The following CFDP1 variants were observed in gnomAD, a reference collection of about 807,000 sequenced individuals.
CFDP1 encodes heterochromatin-stabilizing protein CFDP1.
Under a neutral mutation model 40.1 loss-of-function variants are expected in CFDP1, and 31 were observed. That is an observed-to-expected ratio of 0.77 (90% CI 0.58 to 1.04). The LOEUF (loss-of-function observed/expected upper bound fraction) is 1.04. CFDP1 is among the 50% of genes least tolerant of loss of function. The probability of loss-of-function intolerance (pLI) is 0.00; values close to 1 mark genes in which losing one functional copy is unlikely to be tolerated. For synonymous variants in CFDP1, 167 were observed against 120.0 expected, an observed-to-expected ratio of 1.39 and a Z score of -2.56; for missense variants, 423 against 343.4, an observed-to-expected ratio of 1.23 and a Z score of -1.83.
intron 5 of CFDP1, among the ~76,000 whole-genome samples, chr16:75,389,976 A>G (rs2078933701): frequency 6.6e-6 from 1 of 152,244 alleles, no homozygotes; most frequent in African/African-American, 2.4e-5. Context: ...GGTTCACAGT[A>G]TCATAATTAA....
intron 4 of CFDP1, among the ~76,000 whole-genome samples, chr16:75,403,570 T>C (rs1397842979): frequency 6.6e-6 from 1 of 152,156 alleles, no homozygotes; most frequent in African/African-American, 2.4e-5. Context: ...ACACTCTATG[T>C]GAGGGCCACT....
intron 5 of CFDP1, among the ~76,000 whole-genome samples, chr16:75,339,258 T>C (rs912565619): frequency 1.3e-5 from 2 of 152,206 alleles, no homozygotes; most frequent in Non-Finnish European, 2.9e-5. Context: ...TTTCTTCCTT[T>C]AGTTGTATCC....
At chr16:75,313,207 A>T (rs562993124) in intron 5 of CFDP1, among the ~76,000 whole-genome samples, 108 of 152,204 alleles carry the variant, frequency 7.1e-4, no homozygotes, top group Non-Finnish European at 1.3e-3. Context: ...GAAAGTGCAG[A>T]TCCTCTTCCA....
intron 4 of CFDP1, among the ~76,000 whole-genome samples, chr16:75,411,318 T>C (rs1174889999): frequency 6.6e-6 from 1 of 151,962 alleles, no homozygotes; most frequent in Non-Finnish European, 1.5e-5. Context: ...AGTAGGAGAA[T>C]TGCTTGAACT....
intron 5 of CFDP1, among the ~76,000 whole-genome samples, chr16:75,309,353 C>T (rs950387528): frequency 1.3e-5 from 2 of 151,662 alleles, no homozygotes; most frequent in Admixed American, 6.6e-5. Flanking sequence ...GGGCAGGGGG[C>T]GCTGACCCTA....
Position 75,411,871 on chromosome 16 carries a change from T to C in CFDP1, c.484A>G (p.Lys162Glu), listed in dbSNP as rs760696982. ...EELEKPKETE[K>E]VKITKVFDFA... ...TCAAACACCTTGGTGATTTTAACTT[T>C]TTCTGTTTCTTTAGGTTTCTCTAGC... is the stretch of plus-strand genomic sequence containing the variant. Residue 162 changes from lysine (K) to glutamate (E), a missense_variant, in exon 4 of 7, where the codon AAA (lysine) becomes GAA (glutamate). By Grantham distance (56) the Lys-to-Glu change is moderately conservative. Transcript: ENST00000283882. 4.3e-6 allele frequency: 7 copies of C among 1,612,706 alleles called. No individual in the cohort carries two copies. Among genetic ancestry groups the C allele is most frequent in the Admixed American group, 1.7e-5 (1 of 59,772 alleles).
chr16:75,415,882 T>C (rs2079199710), intron 1 of CFDP1, among the ~76,000 whole-genome samples: 1 of 152,198 alleles, frequency 6.6e-6, no homozygotes, highest in Non-Finnish European at 1.5e-5. Context: ...AGACGGAGTC[T>C]TGCTCTGTCA....
chr16:75,306,600 TAAAC>T (rs939470671), intron 5 of CFDP1: 15 of 152,254 alleles, frequency 9.9e-5, no homozygotes, highest in African/African-American at 2.9e-4. Flanking sequence ...GTTGGACAAA[TAAAC>T]AAAGTTCAGA....
At chr16:75,410,128 AT>A (rs2079146150) in intron 4 of CFDP1, among the ~76,000 whole-genome samples, 1 of 151,246 alleles carries the variant, frequency 6.6e-6, no homozygotes, top group Non-Finnish European at 1.5e-5. Flanking sequence ...TTTTCCCTAA[AT>A]ATAGCTTCAC....
In CFDP1 at chr16:75,293,970, C is replaced by G; in HGVS notation, c.882G>C (p.Leu294=). The change falls in exon 7 of 7, where the codon CTG becomes CTC. Residue 294 remains leucine (L), a synonymous_variant. Transcript: ENST00000283882. The stretch of plus-strand genomic sequence containing the variant: ...CGTAACATCAAGGTTTCATTTTGCT[C>G]AGCCTGAGATCTCGCTCAATTTCAA... ...RQFEIERDLR[L]SKMKP is the part of the protein sequence containing the mutation. 2 of 1,614,100 alleles carry G rather than the reference C, an allele frequency of 1.2e-6. No homozygotes were observed. The highest frequency in any genetic ancestry group is 1.7e-6 in the Non-Finnish European group (2 of 1,179,992).
intron 5 of CFDP1, among the ~76,000 whole-genome samples, chr16:75,328,690 T>A (rs2078422913): frequency 6.6e-6 from 1 of 151,526 alleles, no homozygotes; most frequent in Non-Finnish European, 1.5e-5. Context: ...CATAATTTTT[T>A]TTTTTTGAGA....
chr16:75,305,304 C>G, intron 5 of CFDP1, 122 bp from the exon 6 acceptor site: 2 of 961,734 alleles, frequency 2.1e-6, no homozygotes, highest in Non-Finnish European at 3.1e-6. Flanking sequence ...AAGCCATGTT[C>G]ATATTTGGGG....
chr16:75,332,954 C>T (rs1389908367), intron 5 of CFDP1, among the ~76,000 whole-genome samples: 1 of 150,266 alleles, frequency 6.7e-6, no homozygotes, highest in African/African-American at 2.4e-5. Flanking sequence ...ATTACAGGGC[C>T]CTGCCACCAT....
Position 75,395,094 on chromosome 16 carries a change from A to G in CFDP1, c.646T>C (p.Ser216Pro). Residue 216 changes from serine to proline, a missense_variant, in exon 5 of 7, where the codon TCA becomes CCA. By Grantham distance (74) the Ser-to-Pro change is moderately conservative. Coordinates refer to ENST00000283882, the MANE Select transcript of CFDP1 (RefSeq NM_006324.3). ...PSALPSLPAG[S>P]GLKRSSGMSS... ...GAGTGAGACTCAAATACTCACCCTG[A>G]CCCGGCAGGGAGTGATGGCAGAGCT... 6.2e-7 allele frequency: 1 copy of G among 1,613,634 alleles called. No homozygotes were observed. Among genetic ancestry groups the G allele is most frequent in the Non-Finnish European group, 8.5e-7 (1 of 1,179,726 alleles).
intron 5 of CFDP1, among the ~76,000 whole-genome samples, chr16:75,309,429 G>T (rs376519344): frequency 6.6e-6 from 1 of 151,960 alleles, no homozygotes; most frequent in East Asian, 1.9e-4. Context: ...GCTAGCAGGG[G>T]ACAAATCAGC....
At chr16:75,421,897 AATG>A (rs1405657532) in intron 1 of CFDP1, among the ~76,000 whole-genome samples, 3 of 152,206 alleles carry the variant, frequency 2.0e-5, no homozygotes, top group Non-Finnish European at 2.9e-5. Flanking sequence ...CCTGATATAA[AATG>A]ATGTCATATT....
chr16:75,323,546 C>T (rs1469976908), intron 5 of CFDP1, among the ~76,000 whole-genome samples: 1 of 151,778 alleles, frequency 6.6e-6, no homozygotes, highest in Non-Finnish European at 1.5e-5. Context: ...TTGTGAAGGC[C>T]GAGGCAGGTG....
intron 5 of CFDP1, among the ~76,000 whole-genome samples, chr16:75,386,481 T>C (rs113730756): frequency 4.6e-5 from 7 of 152,296 alleles, no homozygotes; most frequent in African/African-American, 1.4e-4. Context: ...TCCCAGCACT[T>C]TGGGAGGCCC....
Position 75,431,833 on chromosome 16 carries a change from C to T in CFDP1, c.64+1456G>A, listed in dbSNP as rs146933536. On this transcript the variant is annotated intron_variant, in intron 1 of 6. Coordinates refer to ENST00000283882, the MANE Select transcript of CFDP1 (RefSeq NM_006324.3). ...ATCAATAGACAACAGAAATATAATA[C>T]CAAATTCAAAAGGTGGAAAGAAGTT... 2.8e-3 allele frequency among the ~76,000 whole-genome samples: 423 copies of T among 151,700 alleles called. 3 individuals are homozygous for T. Among genetic ancestry groups the T allele is most frequent in the African/African-American group, 1.0e-2 (413 of 41,376 alleles).
Sources: gnomAD v4.1 joint callset for allele counts (sites outside exome capture counted in the v4.1 genomes callset) on GRCh38, gnomAD v4.1.1 for gene constraint, MANE v1.5 for transcripts, NCBI Gene and HGNC (gene_info 2026-07-23, HGNC 2026-07-21) for gene names.